ERC1: variants seen among roughly 807,000 people sequenced by gnomAD.
ERC1 encodes the protein ELKS/RAB6-interacting/CAST family member 1.
Under a neutral mutation model 132.0 loss-of-function variants are expected in ERC1, and 56 were observed. The ratio of observed to expected loss-of-function variants is 0.42; its 90% CI spans 0.34 to 0.53. The LOEUF (loss-of-function observed/expected upper bound fraction) is 0.53, where lower values mean the gene tolerates loss of function less well. Among genes scored for constraint, ERC1 ranks in the 20% least tolerant of loss-of-function variants. The pLI is 0.03. For missense variants in ERC1, 1,202 were observed against 1,349.9 expected, an observed-to-expected ratio of 0.89 and a Z score of 1.72; for synonymous variants, 478 against 476.1, an observed-to-expected ratio of 1.00 and a Z score of -0.05.
At chr12:1,067,827 G>T (rs897426671) in intron 2 of ERC1, among the ~76,000 whole-genome samples, 1 of 151,662 alleles carries the variant, frequency 6.6e-6, no homozygotes, top group Non-Finnish European at 1.5e-5. Flanking sequence ...TCATGATCAT[G>T]TATGAGCTAA....
At chr12:1,091,019 T>G (rs1262929865) in intron 3 of ERC1, among the ~76,000 whole-genome samples, 2 of 152,082 alleles carry the variant, frequency 1.3e-5, no homozygotes, top group African/African-American at 4.8e-5. Flanking sequence ...TGCCTCAGCT[T>G]CCTGAGTAGC....
intron 12 of ERC1, among the ~76,000 whole-genome samples, chr12:1,201,063 C>A (rs1034093396): frequency 6.6e-6 from 1 of 152,142 alleles, no homozygotes; most frequent in Admixed American, 6.5e-5. Flanking sequence ...AATGTAAGTA[C>A]ATTCATCTGC....
intron 16 of ERC1, among the ~76,000 whole-genome samples, chr12:1,405,554 A>T (rs547806106): frequency 3.3e-5 from 5 of 152,026 alleles, no homozygotes; most frequent in South Asian, 2.1e-4. Context: ...AATACAAAAA[A>T]TAGCCGGGCG....
intron 15 of ERC1, among the ~76,000 whole-genome samples, chr12:1,364,312 A>C (rs2086450035): frequency 6.6e-6 from 1 of 152,124 alleles, no homozygotes; most frequent in African/African-American, 2.4e-5. Flanking sequence ...CATTACCTTC[A>C]ACTCAGTCTT....
Position 1,027,980 on chromosome 12 carries a change from G to C in ERC1, c.77G>C (p.Arg26Pro), listed in dbSNP as rs886848143. ...CCTGGGCGTTCACCCAGGCTTCCACGTTCCCCTCGCTTGGGTCACCGTCGA... is the reference window on the plus strand; with the variant it reads ...CCTGGGCGTTCACCCAGGCTTCCACCTTCCCCTCGCTTGGGTCACCGTCGA... ...QSPGRSPRLPRSPRLGHRRTN... is the reference protein window; with the variant it reads ...QSPGRSPRLPPSPRLGHRRTN... The change falls in exon 2 of 19, where the codon CGT becomes CCT. Residue 26 changes from arginine to proline, a missense_variant. Physicochemically the swap from Arg to Pro is moderately radical, Grantham distance 103 (BLOSUM62 -2). Transcript: ENST00000360905. 2.5e-6 allele frequency: 4 copies of C among 1,614,122 alleles called. No homozygotes were observed. The East Asian group carries it at 8.9e-5, about 36-fold the overall frequency.
At chr12:1,110,981 G>C (rs1945792438) in intron 5 of ERC1, among the ~76,000 whole-genome samples, 1 of 152,142 alleles carries the variant, frequency 6.6e-6, no homozygotes, top group Non-Finnish European at 1.5e-5. Flanking sequence ...TGGGATTACA[G>C]ACGTGAGCCA....
chr12:1,418,687 TTTC>T (rs1301780266), intron 17 of ERC1, among the ~76,000 whole-genome samples: 4 of 119,736 alleles, frequency 3.3e-5, no homozygotes, highest in African/African-American at 1.5e-4. Flanking sequence ...TCTTTCTTTC[TTTC>T]TTTCTTTCTT....
At chr12:1,290,871 T>C (rs184588914) in intron 15 of ERC1, among the ~76,000 whole-genome samples, 63 of 152,346 alleles carry the variant, frequency 4.1e-4, no homozygotes, top group African/African-American at 1.4e-3. Context: ...TTCTTCTTTC[T>C]GTCACAGATT....
chr12:1,065,577 C>A, intron 2 of ERC1, among the ~76,000 whole-genome samples: 1 of 105,384 alleles, frequency 9.5e-6, no homozygotes, highest in African/African-American at 3.7e-5. Context: ...TCAGGCATTT[C>A]AGAGATTTCT....
At chr12:1,180,232 A>G (rs918959762) in intron 8 of ERC1, among the ~76,000 whole-genome samples, 3 of 149,984 alleles carry the variant, frequency 2.0e-5, no homozygotes, top group Non-Finnish European at 3.0e-5. Flanking sequence ...TCTGCTAGCT[A>G]CTTTTCTTAT....
At chr12:1,121,871 ATCTCTATCTGTGTC>A (rs1947297870) in intron 7 of ERC1, among the ~76,000 whole-genome samples, 1 of 54,768 alleles carries the variant, frequency 1.8e-5, no homozygotes, top group African/African-American at 1.0e-4. Flanking sequence ...CTCTATCTCT[ATCTCTATCTGTGTC>A]TCTATCTCTA....
chr12:1,175,923 A>G (rs1285469357), intron 8 of ERC1, among the ~76,000 whole-genome samples: 1 of 152,078 alleles, frequency 6.6e-6, no homozygotes, highest in Non-Finnish European at 1.5e-5. Flanking sequence ...CTATTTCCAC[A>G]TCTTTAGTGA....
intron 16 of ERC1, among the ~76,000 whole-genome samples, chr12:1,384,745 T>G (rs549801202): frequency 2.0e-5 from 3 of 152,328 alleles, no homozygotes; most frequent in Admixed American, 6.5e-5. Flanking sequence ...GCTTTAATAC[T>G]AAAACAGTAT....
chr12:1,159,442 G>A (rs1444022742), intron 8 of ERC1, among the ~76,000 whole-genome samples: 3 of 152,136 alleles, frequency 2.0e-5, no homozygotes, highest in Non-Finnish European at 4.4e-5. Context: ...TTGTCTCACC[G>A]CTTACTTCCT....
intron 15 of ERC1, among the ~76,000 whole-genome samples, chr12:1,346,380 C>T (rs1595139547): frequency 6.6e-6 from 1 of 152,150 alleles, no homozygotes; most frequent in Non-Finnish European, 1.5e-5. Context: ...ATCTGTTTTT[C>T]TCCACATTTG....
intron 14 of ERC1, among the ~76,000 whole-genome samples, chr12:1,267,996 T>C (rs1321579002): frequency 6.6e-6 from 1 of 152,206 alleles, no homozygotes; most frequent in Admixed American, 6.5e-5. Context: ...CATATTTTTT[T>C]GTTGTTGTTA....
chr12:1,317,911 CATAA>C lies in ERC1; in HGVS notation c.2780+27904_2780+27907del, dbSNP rs374078936. On this transcript the variant is annotated intron_variant, in intron 15 of 18. Coordinates refer to ENST00000360905, the MANE Select transcript of ERC1 (RefSeq NM_178040.4). ...TAAAGGGGCTTCTTCTATAGTTTCT[CATAA>C]ATAATTTGCTGATTCTGGGAACTCT... Among the ~76,000 whole-genome samples, 12 of 152,284 alleles carry C rather than the reference CATAA, an allele frequency of 7.9e-5. No homozygotes were observed. In the South Asian group the frequency reaches 1.7e-3, roughly 21 times the overall value.
chr12:1,175,656 C>T (rs1249213233), intron 8 of ERC1, among the ~76,000 whole-genome samples: 5 of 151,774 alleles, frequency 3.3e-5, no homozygotes, highest in Non-Finnish European at 5.9e-5. Context: ...GCCTGAGCCT[C>T]CCGAGTAGCT....
intron 13 of ERC1, among the ~76,000 whole-genome samples, chr12:1,260,861 T>A (rs73027458): frequency 6.6e-6 from 1 of 152,238 alleles, no homozygotes; most frequent in Non-Finnish European, 1.5e-5. Context: ...AGCCATTTCC[T>A]TTTATTTGTA....
Sources: allele counts gnomAD v4.1 joint callset (sites outside exome capture counted in the v4.1 genomes callset), GRCh38; gene constraint gnomAD v4.1.1; transcripts MANE v1.5; gene names NCBI Gene and HGNC (gene_info 2026-07-23, HGNC 2026-07-21).